Variants in NCOA4 observed in about 807,000 individuals in gnomAD.
NCOA4 encodes the protein nuclear receptor coactivator 4, also known as 70 kDa AR-activator.
In NCOA4, 31 loss-of-function variants were observed where a neutral mutation model predicts 69.5. That is an observed-to-expected ratio of 0.45 (90% CI 0.34 to 0.60). The LOEUF is 0.60. NCOA4 is among the 20% of genes least tolerant of loss of function. The pLI, the probability that NCOA4 is intolerant of heterozygous loss-of-function variation, is 0.02. For missense variants in NCOA4, 600 were observed against 719.2 expected, an observed-to-expected ratio of 0.83 and a Z score of 1.90; for synonymous variants, 228 against 252.4, an observed-to-expected ratio of 0.90 and a Z score of 0.92.
chr10:46,012,841 A>C, intron 7 of NCOA4, 42 bp downstream of exon 7: 2 of 1,605,094 alleles, frequency 1.2e-6, no homozygotes, highest in Non-Finnish European at 1.7e-6. Context: ...AACTCCACCT[A>C]CTGCTGTGTC....
chr10:46,025,177 G>T (rs1840091200), intron 1 of NCOA4, among the ~76,000 whole-genome samples: 1 of 152,178 alleles, frequency 6.6e-6, no homozygotes, highest in African/African-American at 2.4e-5. Context: ...GAGAACCCAG[G>T]GGGCCAATGA....
intron 9 of NCOA4, 105 bp from the exon 10 acceptor site, chr10:46,006,702 G>T: frequency 9.7e-7 from 1 of 1,031,260 alleles, no homozygotes; most frequent in Non-Finnish European, 1.5e-6. Context: ...GTATACCCTT[G>T]TTACATTGTA....
At chr10:46,019,683 A>G (rs1302636482) in intron 1 of NCOA4, 15 of 214,066 alleles carry the variant, frequency 7.0e-5, no homozygotes, top group African/African-American at 1.9e-4. Context: ...ATATTACACA[A>G]TAAGAGTAGA....
Position 46,010,298 on chromosome 10 carries a change from C to T in NCOA4, c.1623G>A (p.Leu541=), listed in dbSNP as rs1554920855. Residue 541 remains leucine, a synonymous_variant, in exon 8 of 10, where the codon CTG becomes CTA. Coordinates refer to ENST00000581486, the MANE Select transcript of NCOA4 (RefSeq NM_001145263.2). ...TGAGGTTGCCCATCTTCTTTCCTGG[C>T]AGGACCCAGTCAGCTGTGTTAAAGG... ...WCSFNTADWV[L]PGKKMGNLSQ... 6.2e-7 allele frequency: 1 copy of T among 1,614,026 alleles called. No homozygotes were observed. Among genetic ancestry groups the T allele is most frequent in the South Asian group, 1.1e-5 (1 of 91,034 alleles).
chr10:46,017,642 G>T (rs1175755484), intron 1 of NCOA4, among the ~76,000 whole-genome samples: 1 of 152,134 alleles, frequency 6.6e-6, no homozygotes, highest in Non-Finnish European at 1.5e-5. Flanking sequence ...TGCATTATAT[G>T]TAACAGATTA....
chr10:46,015,964 A>G (rs1839517796), intron 2 of NCOA4, among the ~76,000 whole-genome samples: 2 of 152,248 alleles, frequency 1.3e-5, no homozygotes, highest in Admixed American at 1.3e-4. Context: ...ATCCGTGACA[A>G]TATACATAAG....
chr10:46,007,567 C>G (rs1382150297), intron 9 of NCOA4, among the ~76,000 whole-genome samples: 1 of 141,028 alleles, frequency 7.1e-6, no homozygotes, highest in African/African-American at 2.6e-5. Context: ...TAGGGACTAA[C>G]ACAGCCAGTG....
At position 46,012,907 on chromosome 10, in the gene NCOA4, T is replaced by C; in HGVS notation, c.690A>G (p.Gln230=). The stretch of plus-strand genomic sequence containing the variant: ...CCTGACTGTTCTCCAAGGTCTGCTT[T>C]TGGGTAAGCCAGTCCTGGGGGTCGG... ...PSTDPQDWLT[Q]KQTLENSQTS... Residue 230 remains glutamine (Q), a synonymous_variant, in exon 7 of 10, where the codon CAA becomes CAG. Coordinates refer to ENST00000581486, the MANE Select transcript of NCOA4 (RefSeq NM_001145263.2). 1.2e-6 allele frequency: 2 copies of C among 1,614,104 alleles called. No individual in the cohort carries two copies. Among genetic ancestry groups the C allele is most frequent in the East Asian group, 4.5e-5 (2 of 44,890 alleles).
intron 2 of NCOA4, 43 bp downstream of exon 2, chr10:46,016,497 T>C: frequency 7.2e-7 from 1 of 1,385,312 alleles, no homozygotes; most frequent in Non-Finnish European, 9.5e-7. Flanking sequence ...ATCAGCCCTG[T>C]GTCAAGAGTC....
chr10:46,006,480 G>T lies in NCOA4; in HGVS notation c.*112C>A. ...ACTAGTTCAAAATTAGGCAGGAGAAGAACTAAGCTAATTGGTCAGACCCAG... is the reference window on the plus strand; with the variant it reads ...ACTAGTTCAAAATTAGGCAGGAGAATAACTAAGCTAATTGGTCAGACCCAG... On this transcript the variant is annotated 3_prime_UTR_variant, in exon 10 of 10. Transcript: ENST00000581486. 8.2e-7 allele frequency: 1 copy of T among 1,212,816 alleles called. No homozygotes were observed. 75.1% of individuals were successfully genotyped at this position (1,212,816 alleles called of 1,614,324 possible). A position where few individuals can be genotyped will look rare whatever the true frequency, so the allele number is the denominator to read the frequency against.
intron 8 of NCOA4, 33 bp from the exon 9 acceptor site, chr10:46,009,584 GA>G: frequency 6.3e-7 from 1 of 1,582,970 alleles, no homozygotes. Context: ...GTTGCTTCAT[GA>G]AAACAAGGAG....
chr10:46,015,443 G>T (rs1025685712), intron 2 of NCOA4, among the ~76,000 whole-genome samples, 177 bp from the exon 3 acceptor site: 1 of 152,070 alleles, frequency 6.6e-6, no homozygotes, highest in Non-Finnish European at 1.5e-5. Context: ...ATATTTTCAA[G>T]ATTTTACCTA....
chr10:46,025,556 G>A (rs944227288), intron 1 of NCOA4, among the ~76,000 whole-genome samples: 2 of 152,166 alleles, frequency 1.3e-5, no homozygotes, highest in Non-Finnish European at 2.9e-5. Flanking sequence ...TAATCTACTG[G>A]ACAGCTTTTC....
intron 9 of NCOA4, among the ~76,000 whole-genome samples, chr10:46,007,114 A>G (rs1343947892): frequency 3.3e-5 from 5 of 152,354 alleles, no homozygotes; most frequent in African/African-American, 9.6e-5. Context: ...CTTGAAAAAA[A>G]CTAGAGGTGC....
At chr10:46,025,735 G>A (rs1246664777) in intron 1 of NCOA4, among the ~76,000 whole-genome samples, 1 of 152,248 alleles carries the variant, frequency 6.6e-6, no homozygotes, top group Non-Finnish European at 1.5e-5. Context: ...GGCCAATAGA[G>A]TTGGCTGCTC....
chr10:46,009,669 CA>C (rs1839083745), intron 8 of NCOA4, 118 bp from the exon 9 acceptor site: 3 of 957,528 alleles, frequency 3.1e-6, no homozygotes, highest in Non-Finnish European at 3.1e-6. Flanking sequence ...CTGTAACAAC[CA>C]AAAACAAAGG....
intron 1 of NCOA4, among the ~76,000 whole-genome samples, chr10:46,025,502 T>C (rs1250266561): frequency 6.6e-6 from 1 of 152,238 alleles, no homozygotes; most frequent in African/African-American, 2.4e-5. Flanking sequence ...TTTCCTGGCC[T>C]CACTCTGACT....
At position 46,006,368 on chromosome 10, in the gene NCOA4, G is replaced by A. The variant is rs1288069150; in HGVS notation, c.*224C>T. 2 of 534,392 alleles carry A rather than the reference G, an allele frequency of 3.7e-6. No individual in the cohort carries two copies. The highest frequency in any genetic ancestry group is 3.1e-5 in the Admixed American group (1 of 31,994). The allele number at this position is 534,392 out of a possible 1,614,324, so 33.1% of individuals were successfully genotyped here. A position where few individuals can be genotyped will look rare whatever the true frequency, so the allele number is the denominator to read the frequency against. ...GGGGTGAATTAAAATACTTCTGTAA[G>A]AAGGAGGGAACTGAATCACCTCAGC... On this transcript the variant is annotated 3_prime_UTR_variant, in exon 10 of 10. Transcript: ENST00000581486.
At chr10:46,018,100 T>C (rs1395127391) in intron 1 of NCOA4, among the ~76,000 whole-genome samples, 2 of 152,314 alleles carry the variant, frequency 1.3e-5, no homozygotes, top group East Asian at 3.9e-4. Flanking sequence ...AATAAGATTA[T>C]TTTTTACAAA....
Sources: allele counts gnomAD v4.1 joint callset (sites outside exome capture counted in the v4.1 genomes callset), GRCh38; gene constraint gnomAD v4.1.1; transcripts MANE v1.5; gene names NCBI Gene and HGNC (gene_info 2026-07-23, HGNC 2026-07-21).